The following EEF1A2 variants were observed in gnomAD, a reference collection of about 807,000 sequenced individuals.
The protein encoded by EEF1A2 is elongation factor 1-alpha 2.
Under a neutral mutation model 39.3 loss-of-function variants are expected in EEF1A2, and 5 were observed. That is an observed-to-expected ratio of 0.13 (90% confidence interval 0.07 to 0.27). The LOEUF (loss-of-function observed/expected upper bound fraction) is 0.27, where lower values mean the gene tolerates loss of function less well. EEF1A2 is among the 10% of genes least tolerant of loss of function. The pLI, the probability that EEF1A2 is intolerant of heterozygous loss-of-function variation, is 1.00. For synonymous variants in EEF1A2, 287 were observed against 293.7 expected (o/e 0.98, Z 0.23); for missense variants, 218 against 681.4 (o/e 0.32, Z 7.57).
intron 6 of EEF1A2, chr20:63,490,242 T>C: frequency 2.1e-6 from 1 of 470,008 alleles, no homozygotes; most frequent in Non-Finnish European, 3.8e-6. Context: ...AATTTTTGTA[T>C]TTTTAGTAGA....
Position 63,488,462 on chromosome 20 carries a change from G to A in EEF1A2, c.1265-37C>T, listed in dbSNP as rs559931441. 7.2e-6 allele frequency: 10 copies of A among 1,385,454 alleles called. No homozygotes were observed. In the South Asian group the frequency reaches 1.3e-4, roughly 19 times the overall value. 85.8% of individuals were successfully genotyped at this position (1,385,454 alleles called of 1,614,324 possible). On this transcript the variant is annotated intron_variant, in intron 7 of 7. Transcript: ENST00000217182. ...GGGGCGGCGTGTGGGCGGGGCCGGA[G>A]GACTTGACCCCCCCCAACCCCAGGG... is the stretch of plus-strand genomic sequence containing the variant.
chr20:63,496,432 G>T (rs1415787313), intron 2 of EEF1A2: 1 of 217,406 alleles, frequency 4.6e-6, no homozygotes, highest in Non-Finnish European at 9.3e-6. Context: ...CCGTGTTTGG[G>T]GCTGTCAGAT....
Position 63,498,576 on chromosome 20 carries a change from CT to C in EEF1A2, c.-72+481del, listed in dbSNP as rs141260895. 0.041 allele frequency: 6,247 copies of C among 152,356 alleles called. 328 individuals carry two copies. The highest frequency in any genetic ancestry group is 0.12 in the African/African-American group (4,971 of 41,482). The allele number at this position is 152,356 out of a possible 1,614,324, so 9.4% of individuals were successfully genotyped here. On this transcript the variant is annotated intron_variant, in intron 1 of 7. Transcript: ENST00000217182. The surrounding 1 kb of genome is among the most constrained non-coding windows in gnomAD (Gnocchi z 4.1). ...TATAGGGGGCACCCTCCCTCCCCCC[CT>C]CCCTGTGACTCAGGACCCTGGGTCA...
At position 63,497,399 on chromosome 20, in the gene EEF1A2, C is replaced by T. The variant is rs923919262; in HGVS notation, c.144+221G>A. On this transcript the variant is annotated intron_variant, in intron 2 of 7. Coordinates refer to ENST00000217182, the MANE Select transcript of EEF1A2 (RefSeq NM_001958.5). This position sits in a 1 kb window ranked among gnomAD's most constrained non-coding sequence, Gnocchi z 7.3. ...CACCTCCCTCACCACAGGGCAAGTC[C>T]GGCAGCTCGATGGCCACCCCTCCCC... 14 of 589,766 alleles carry T rather than the reference C, an allele frequency of 2.4e-5. No individual in the cohort carries two copies. The highest frequency in any genetic ancestry group is 7.3e-5 in the Admixed American group (2 of 27,474). 36.5% of individuals were successfully genotyped at this position (589,766 alleles called of 1,614,324 possible). A position where few individuals can be genotyped will look rare whatever the true frequency, so the allele number is the denominator to read the frequency against.
intron 5 of EEF1A2, among the ~76,000 whole-genome samples, chr20:63,492,158 A>G (rs1178836359): frequency 8.2e-6 from 1 of 122,438 alleles, no homozygotes; most frequent in African/African-American, 3.3e-5. Context: ...AGGTGGATGG[A>G]TGGATGTATG....
chr20:63,494,745 G>A (rs1204349427), intron 4 of EEF1A2, 60 bp downstream of exon 4: 25 of 1,551,068 alleles, frequency 1.6e-5, no homozygotes, highest in South Asian at 2.4e-5. Context: ...CCGGTGCCTC[G>A]CTCTGGGCCA....
chr20:63,488,125 G>T lies in EEF1A2; in HGVS notation c.*173C>A. On this transcript the variant is annotated 3_prime_UTR_variant, in exon 8 of 8. Coordinates refer to ENST00000217182, the MANE Select transcript of EEF1A2 (RefSeq NM_001958.5). ...TGAAGAACTTCCACTGGACCTTGAT[G>T]GCGAGCATCCAGTCGCTGACCGAGG... 1 of 225,828 alleles carries T rather than the reference G, an allele frequency of 4.4e-6. No homozygotes were observed. Among genetic ancestry groups the T allele is most frequent in the Non-Finnish European group, 7.3e-6 (1 of 137,092 alleles). 14.0% of individuals were successfully genotyped at this position (225,828 alleles called of 1,614,324 possible).
At chr20:63,495,213 C>G in intron 3 of EEF1A2, 112 bp from the exon 4 acceptor site, 1 of 1,451,028 alleles carries the variant, frequency 6.9e-7, no homozygotes, top group South Asian at 1.3e-5. Context: ...GGGGCCTGAG[C>G]AGCCCACTGG....
At chr20:63,493,658 C>A (rs2082402461) in intron 4 of EEF1A2, among the ~76,000 whole-genome samples, 1 of 152,214 alleles carries the variant, frequency 6.6e-6, no homozygotes, top group Admixed American at 6.5e-5. Context: ...TGAGTCTGGC[C>A]AAGGGCCAGG....
chr20:63,490,655 T>A lies in EEF1A2; in HGVS notation c.853A>T (p.Ile285Phe). The A allele has an allele frequency of 6.2e-7, 1 of 1,612,346 alleles. No individual in the cohort carries two copies. The highest frequency in any genetic ancestry group is 8.5e-7 in the Non-Finnish European group (1 of 1,179,862). ...TCCACTGACTTCACCTCAGTGGTGA[T>A]GTTCACTGGCGCAAAGGTCACCACC... Reference protein sequence around the residue: ...GMVVTFAPVNITTEVKSVEMH... With the variant: ...GMVVTFAPVNFTTEVKSVEMH... The change falls in exon 6 of 8, where the codon ATC (isoleucine) becomes TTC (phenylalanine). Residue 285 changes from isoleucine to phenylalanine, a missense_variant. Ile to Phe is a conservative substitution (Grantham distance 21). Transcript: ENST00000217182.
chr20:63,488,526 C>G (rs1162291997), intron 7 of EEF1A2, 101 bp from the exon 8 acceptor site: 1 of 1,288,996 alleles, frequency 7.8e-7, no homozygotes, highest in Non-Finnish European at 9.9e-7. Context: ...CGGGAATGTC[C>G]TCGGAACACG....
rs777444750 is a variant in EEF1A2 at position 63,495,940 on chromosome 20, G to A, written c.240C>T (p.Phe80=). 1.1e-5 allele frequency: 18 copies of A among 1,613,222 alleles called. No individual in the cohort carries two copies. The highest frequency in any genetic ancestry group is 4.5e-5 in the East Asian group (2 of 44,896). ...TGGTGATGTAGTACTTGGTGGTCTC[G>A]AACTTCCAGAGGGAGATGTCGATGG... ...GITIDISLWK[F]ETTKYYITII... The change falls in exon 3 of 8, where the codon TTC becomes TTT. Residue 80 remains phenylalanine (F), a synonymous_variant. Coordinates refer to ENST00000217182, the MANE Select transcript of EEF1A2 (RefSeq NM_001958.5).
intron 2 of EEF1A2, 66 bp from the exon 3 acceptor site, chr20:63,496,101 C>A: frequency 1.3e-6 from 2 of 1,575,882 alleles, no homozygotes; most frequent in Non-Finnish European, 1.7e-6. Context: ...GTGGTGCGAG[C>A]TGCTTGTTAC....
intron 6 of EEF1A2, 62 bp downstream of exon 6, chr20:63,490,417 C>T: frequency 6.4e-7 from 1 of 1,563,008 alleles, no homozygotes; most frequent in Non-Finnish European, 8.7e-7. Context: ...GCAGCCTCAC[C>T]CAGGACAGTC....
At position 63,495,840 on chromosome 20, in the gene EEF1A2, G is replaced by A. The variant is rs750650281; in HGVS notation, c.324+16C>T. The A allele has an allele frequency of 1.2e-6, 2 of 1,611,978 alleles. No individual in the cohort carries two copies. Among genetic ancestry groups the A allele is most frequent in the Admixed American group, 1.7e-5 (1 of 59,998 alleles). Reference sequence around the variant, plus strand: ...AGCGGCCTCTCCCCCAGCCCCGCCTGCTGTGCCCTGCTCACCTGGGATGTA... The same window carrying A: ...AGCGGCCTCTCCCCCAGCCCCGCCTACTGTGCCCTGCTCACCTGGGATGTA... On this transcript the variant is annotated intron_variant, in intron 3 of 7. Coordinates refer to ENST00000217182, the MANE Select transcript of EEF1A2 (RefSeq NM_001958.5).
rs1437579479 is a variant in EEF1A2, at chr20:63,492,163, T to TAG, written c.772+973_772+974insCT. 4.8e-5 allele frequency among the ~76,000 whole-genome samples: 6 copies of TAG among 124,668 alleles called. 2 individuals are homozygous for TAG. The highest frequency in any genetic ancestry group is 6.8e-5 in the Non-Finnish European group (4 of 58,494). 81.8% of individuals were successfully genotyped at this position (124,668 alleles called of 152,430 possible). A position where few individuals can be genotyped will look rare whatever the true frequency, so the allele number is the denominator to read the frequency against. ...ATGGATGGGGAGGTGGATGGATGGA[T>TAG]GTATGGGTGGGTAGGTGGGTGGATA... is the stretch of plus-strand genomic sequence containing the variant. On this transcript the variant is annotated intron_variant, in intron 5 of 7. Transcript: ENST00000217182.
rs1409188084 is a variant in EEF1A2, at chr20:63,497,567, G to A, written c.144+53C>T. On this transcript the variant is annotated intron_variant, in intron 2 of 7. Transcript: ENST00000217182. The surrounding 1 kb of genome is among the most constrained non-coding windows in gnomAD (Gnocchi z 7.3). Reference sequence around the variant, plus strand: ...GGGAGATGCCAAGCCTGGCCACCACGGGAGTTGGGGGTTCCTTCTCAGGGG... The same window carrying A: ...GGGAGATGCCAAGCCTGGCCACCACAGGAGTTGGGGGTTCCTTCTCAGGGG... 31 of 1,575,220 alleles carry A rather than the reference G, an allele frequency of 2.0e-5. No individual in the cohort carries two copies. The highest frequency in any genetic ancestry group is 2.3e-5 in the South Asian group (2 of 85,276).
intron 6 of EEF1A2, among the ~76,000 whole-genome samples, 182 bp from the exon 7 acceptor site, chr20:63,489,334 A>T (rs1057244801): frequency 6.6e-6 from 1 of 152,226 alleles, no homozygotes; most frequent in African/African-American, 2.4e-5. Context: ...CAACATCCTC[A>T]TTAAGCAAAA....
At chr20:63,496,196 C>T (rs2082415845) in intron 2 of EEF1A2, 161 bp from the exon 3 acceptor site, 13 of 833,172 alleles carry the variant, frequency 1.6e-5, no homozygotes, top group Non-Finnish European at 2.2e-5. Context: ...CCCCCTCCGT[C>T]GGGACCCCAC....
Sources: gnomAD v4.1 joint callset for allele counts (sites outside exome capture counted in the v4.1 genomes callset) on GRCh38, gnomAD v4.1.1 for gene constraint, Gnocchi (gnomAD v3.1) non-coding constraint, MANE v1.5 for transcripts, NCBI Gene and HGNC (gene_info 2026-07-23, HGNC 2026-07-21) for gene names.